The following CSN2 variants were observed in gnomAD, a reference collection of about 807,000 sequenced individuals.
CSN2 encodes the protein beta-casein.
Under a neutral mutation model 27.3 loss-of-function variants are expected in CSN2, and 27 were observed. The observed-to-expected ratio is 0.99, with a 90% CI of 0.73 to 1.36. CSN2 has a LOEUF of 1.36. Among genes scored for constraint, CSN2 ranks in the 40% most tolerant of loss-of-function variants. The pLI is 0.00. For missense variants in CSN2, 333 were observed against 264.5 expected (o/e 1.26, Z -1.80); for synonymous variants, 131 against 94.8 (o/e 1.38, Z -2.22).
Position 69,957,815 on chromosome 4 carries a change from G to A in CSN2, c.145-11C>T, listed in dbSNP as rs200810617. On this transcript the variant is annotated splice_polypyrimidine_tract_variant and intron_variant, in intron 5 of 7. Transcript: ENST00000353151. ...ATCCTGGTGTTCATCCTGGAAAGAAGGAAAAAGAATCTTTGAGTCCTTGAT... is the reference window on the plus strand; with the variant it reads ...ATCCTGGTGTTCATCCTGGAAAGAAAGAAAAAGAATCTTTGAGTCCTTGAT... 1.9e-6 allele frequency: 3 copies of A among 1,601,894 alleles called. No homozygotes were observed. Among genetic ancestry groups the A allele is most frequent in the Admixed American group, 1.7e-5 (1 of 58,082 alleles).
At chr4:69,959,293 C>T (rs1042625687) in intron 3 of CSN2, among the ~76,000 whole-genome samples, 9 of 151,974 alleles carry the variant, frequency 5.9e-5, no homozygotes, top group Non-Finnish European at 1.3e-4. Context: ...TTAATAGATG[C>T]TAATTTCTCT....
chr4:69,963,709 A>T (rs565290181), intron 1 of CSN2, among the ~76,000 whole-genome samples: 2 of 152,328 alleles, frequency 1.3e-5, no homozygotes, highest in Admixed American at 1.3e-4. Flanking sequence ...CACTTTGTGC[A>T]CATGTACCCT....
chr4:69,956,360 A>C lies in CSN2; in HGVS notation c.676-5T>G. 2 of 1,418,984 alleles carry C rather than the reference A, an allele frequency of 1.4e-6. No homozygotes were observed. Among genetic ancestry groups the C allele is most frequent in the Admixed American group, 5.1e-5 (2 of 39,536 alleles). 87.9% of individuals were successfully genotyped at this position (1,418,984 alleles called of 1,614,324 possible). A position where few individuals can be genotyped will look rare whatever the true frequency, so the allele number is the denominator to read the frequency against. On this transcript the variant is annotated splice_polypyrimidine_tract_variant and splice_region_variant and intron_variant, in intron 6 of 7. Coordinates refer to ENST00000353151, the MANE Select transcript of CSN2 (RefSeq NM_001891.4). ...AACTTTGAAATCTTCTTAGACCTTA[A>C]AAATAAACAGATACAAATAAATAAA...
intron 5 of CSN2, 129 bp from the exon 6 acceptor site, chr4:69,957,933 T>C (rs1192854968): frequency 1.1e-6 from 1 of 946,162 alleles, no homozygotes; most frequent in Non-Finnish European, 1.6e-6. Flanking sequence ...TCACTTATTT[T>C]GGTTAAGAAA....
In CSN2 at chr4:69,957,924, C is replaced by T. The variant is rs1723458477; in HGVS notation, c.145-120G>A. 5 of 979,308 alleles carry T rather than the reference C, an allele frequency of 5.1e-6. No individual in the cohort carries two copies. The African/African-American group carries it at 8.3e-5, about 16-fold the overall frequency. The allele number at this position is 979,308 out of a possible 1,614,324, so 60.7% of individuals were successfully genotyped here. On this transcript the variant is annotated intron_variant, in intron 5 of 7. Transcript: ENST00000353151. ...AGTAAAAAGAGAGGAGAAAATATTT[C>T]ACTTATTTTGGTTAAGAAAGTATCT...
At chr4:69,960,330 A>G (rs755975898) in intron 2 of CSN2, among the ~76,000 whole-genome samples, 18 of 151,948 alleles carry the variant, frequency 1.2e-4, no homozygotes, top group Non-Finnish European at 2.1e-4. Flanking sequence ...AAAAAATGTT[A>G]TATGACTTTT....
rs1723483123 is a variant in CSN2, at chr4:69,958,892, T to C, written c.144+17A>G. On this transcript the variant is annotated intron_variant, in intron 5 of 7. Coordinates refer to ENST00000353151, the MANE Select transcript of CSN2 (RefSeq NM_001891.4). Reference sequence around the variant, plus strand: ...TTTATAATAATTTTAAACATATACTTATCATTAACAAATTACCTCTCCTTG... The same window carrying C: ...TTTATAATAATTTTAAACATATACTCATCATTAACAAATTACCTCTCCTTG... 1 of 1,527,646 alleles carries C rather than the reference T, an allele frequency of 6.5e-7. No individual in the cohort carries two copies. The highest frequency in any genetic ancestry group is 9.0e-7 in the Non-Finnish European group (1 of 1,109,054). The allele number at this position is 1,527,646 out of a possible 1,614,324, so 94.6% of individuals were successfully genotyped here. A position where few individuals can be genotyped will look rare whatever the true frequency, so the allele number is the denominator to read the frequency against.
At chr4:69,962,938 C>G (rs983638123) in intron 1 of CSN2, among the ~76,000 whole-genome samples, 4 of 152,174 alleles carry the variant, frequency 2.6e-5, no homozygotes, top group Non-Finnish European at 4.4e-5. Context: ...TATGAACAAA[C>G]ACTTCTCAAA....
At chr4:69,962,443 T>A in intron 1 of CSN2, among the ~76,000 whole-genome samples, 1 of 152,104 alleles carries the variant, frequency 6.6e-6, no homozygotes, top group Non-Finnish European at 1.5e-5. Context: ...TGTCTACAAC[T>A]ATCTGATCTT....
At chr4:69,965,536 A>T (rs1723780095) in intron 1 of CSN2, among the ~76,000 whole-genome samples, 145 bp downstream of exon 1, 1 of 148,466 alleles carries the variant, frequency 6.7e-6, no homozygotes. Flanking sequence ...TTTTAGCCTA[A>T]GTGTTAAAAA....
In CSN2 at chr4:69,959,058, T is replaced by C. The variant is rs1197233655; in HGVS notation, c.90A>G (p.Thr30=). 5 of 1,387,590 alleles carry C rather than the reference T, an allele frequency of 3.6e-6. No individual in the cohort carries two copies. The highest frequency in any genetic ancestry group is 2.4e-5 in the East Asian group (1 of 41,716). The allele number at this position is 1,387,590 out of a possible 1,614,324, so 86.0% of individuals were successfully genotyped here. A position where few individuals can be genotyped will look rare whatever the true frequency, so the allele number is the denominator to read the frequency against. Residue 30 remains threonine (T), a synonymous_variant, in exon 4 of 8, where the codon ACA becomes ACG. Transcript: ENST00000353151. ...ESLSSSEESI[T]EYKQKVEKVK... ...AAATGTGAAAATTTACCTTGTATTC[T>C]GTAATAGATTCCTACAGAAAAATAT...
At chr4:69,965,432 A>T (rs866833610) in intron 1 of CSN2, among the ~76,000 whole-genome samples, 58 of 144,514 alleles carry the variant, frequency 4.0e-4, no homozygotes, top group South Asian at 8.6e-4. Flanking sequence ...ATATATATAT[A>T]TATATATATA....
At chr4:69,959,279 G>C (rs1370598305) in intron 3 of CSN2, among the ~76,000 whole-genome samples, 1 of 151,788 alleles carries the variant, frequency 6.6e-6, no homozygotes, top group East Asian at 1.9e-4. Context: ...ACAAAAAAAA[G>C]CAATTAATAG....
rs1414259529 is a variant in CSN2, at chr4:69,960,202, T to C, written c.52-123A>G. On this transcript the variant is annotated intron_variant, in intron 2 of 7. Coordinates refer to ENST00000353151, the MANE Select transcript of CSN2 (RefSeq NM_001891.4). ...CACCTCAGAGGATGCATTGGATTGT[T>C]CCTTCTGAAAAGATGTTTAAAAATT... The C allele has an allele frequency of 1.1e-5, 9 of 831,292 alleles. No individual in the cohort carries two copies. In the East Asian group the frequency reaches 1.3e-4, roughly 12 times the overall value. 51.5% of individuals were successfully genotyped at this position (831,292 alleles called of 1,614,324 possible).
At position 69,957,338 on chromosome 4, in the gene CSN2, A is replaced by T. The variant is rs1211443680; in HGVS notation, c.611T>A (p.Leu204His). 1 of 1,598,370 alleles carries T rather than the reference A, an allele frequency of 6.3e-7. No homozygotes were observed. The highest frequency in any genetic ancestry group is 8.5e-7 in the Non-Finnish European group (1 of 1,172,802). ...AGGGTAGATCTGGTGGGTGGGGTTA[A>T]GTAGAAGTTCTTGGTTGAGCAGAAG... ...QALLLNQELLLNPTHQIYPVT... is the reference protein window; with the variant it reads ...QALLLNQELLHNPTHQIYPVT... Residue 204 changes from leucine (L) to histidine (H), a missense_variant, in exon 6 of 8, where the codon CTT (leucine) becomes CAT (histidine). Leu to His is a moderately conservative substitution (Grantham distance 99). Coordinates refer to ENST00000353151, the MANE Select transcript of CSN2 (RefSeq NM_001891.4).
Position 69,958,936 on chromosome 4 carries a change from A to G in CSN2, c.117T>C (p.Val39=). The G allele has an allele frequency of 6.3e-7, 1 of 1,597,970 alleles. No homozygotes were observed. The highest frequency in any genetic ancestry group is 8.6e-7 in the Non-Finnish European group (1 of 1,168,806). ...ITEYKQKVEK[V]KHEDQQQGED... ...CTCCTTGCTGCTGGTCCTCATGTTT[A>G]ACCTTCTCAACTTTCTGCTAAAGAT... Residue 39 remains valine (V), a synonymous_variant, in exon 5 of 8, where the codon GTT becomes GTC. Coordinates refer to ENST00000353151, the MANE Select transcript of CSN2 (RefSeq NM_001891.4).
intron 1 of CSN2, among the ~76,000 whole-genome samples, chr4:69,963,117 A>G (rs1157789984): frequency 1.3e-5 from 2 of 151,810 alleles, no homozygotes; most frequent in Admixed American, 6.6e-5. Flanking sequence ...GAGAAATAGG[A>G]ACACTTTTAC....
At position 69,957,554 on chromosome 4, in the gene CSN2, T is replaced by C; in HGVS notation, c.395A>G (p.Lys132Arg). The change falls in exon 6 of 8, where the codon AAA (lysine) becomes AGA (arginine). Residue 132 changes from lysine (K) to arginine (R), a missense_variant. Coordinates refer to ENST00000353151, the MANE Select transcript of CSN2 (RefSeq NM_001891.4). ...ATGCAGATTTTCAAGATCAGTGAGT[T>C]TTGGGATTTGAGGGTCAAAAAAGGG... ...TIPFFDPQIP[K>R]LTDLENLHLP... 6.2e-7 allele frequency: 1 copy of C among 1,613,728 alleles called. No individual in the cohort carries two copies. Among genetic ancestry groups the C allele is most frequent in the Non-Finnish European group, 8.5e-7 (1 of 1,179,934 alleles).
chr4:69,957,371 A>T lies in CSN2; in HGVS notation c.578T>A (p.Val193Asp). The part of the protein sequence containing the change: ...VVPYPQRAVP[V>D]QALLLNQELL... ...TTCTTGGTTGAGCAGAAGGGCTTGA[A>T]CAGGCACAGCTCTCTGAGGGTAGGG... Residue 193 changes from valine (V) to aspartate (D), a missense_variant, in exon 6 of 8, where the codon GTT (valine) becomes GAT (aspartate). By Grantham distance (152) the Val-to-Asp change is radical (BLOSUM62 -3). Coordinates refer to ENST00000353151, the MANE Select transcript of CSN2 (RefSeq NM_001891.4). The T allele has an allele frequency of 6.2e-7, 1 of 1,613,456 alleles. No individual in the cohort carries two copies. The highest frequency in any genetic ancestry group is 1.1e-5 in the South Asian group (1 of 91,012).
Sources: gnomAD v4.1 joint callset for allele counts (sites outside exome capture counted in the v4.1 genomes callset) on GRCh38, gnomAD v4.1.1 for gene constraint, MANE v1.5 for transcripts, NCBI Gene and HGNC (gene_info 2026-07-23, HGNC 2026-07-21) for gene names.